SGMS2: variants seen among roughly 807,000 people sequenced by gnomAD.
The protein encoded by SGMS2 is sphingomyelin synthase 2.
SGMS2 carries 21 observed loss-of-function variants against 43.8 expected under a neutral mutation model. The ratio of observed to expected loss-of-function variants is 0.48; its 90% CI spans 0.34 to 0.69. The LOEUF (loss-of-function observed/expected upper bound fraction) is 0.69, where lower values mean the gene tolerates loss of function less well. Among genes scored for constraint, SGMS2 ranks in the 30% least tolerant of loss-of-function variants. SGMS2 has a pLI of 0.01. For synonymous variants in SGMS2, 167 were observed against 160.6 expected (o/e 1.04, Z -0.30); for missense variants, 384 against 443.2 (o/e 0.87, Z 1.20).
intron 1 of SGMS2, among the ~76,000 whole-genome samples, chr4:107,837,568 G>T (rs947785587): frequency 1.3e-5 from 2 of 152,180 alleles, no homozygotes; most frequent in East Asian, 3.9e-4. Flanking sequence ...GGCATGCTTT[G>T]TAAGGAGTAT....
chr4:107,883,112 TA>T (rs1331197433), intron 2 of SGMS2, among the ~76,000 whole-genome samples: 3 of 152,216 alleles, frequency 2.0e-5, no homozygotes, highest in Non-Finnish European at 4.4e-5. Context: ...TACGCCCTTC[TA>T]CTGGAACCCA....
chr4:107,868,240 G>A (rs9998648), intron 2 of SGMS2, among the ~76,000 whole-genome samples: 82,539 of 152,012 alleles, frequency 0.54, 23,412 homozygotes, highest in African/African-American at 0.67. Flanking sequence ...TGATTTTATC[G>A]TAGGTAAGGA....
intron 1 of SGMS2, among the ~76,000 whole-genome samples, chr4:107,836,285 A>G (rs1726167525): frequency 6.6e-6 from 1 of 152,206 alleles, no homozygotes; most frequent in Non-Finnish European, 1.5e-5. Flanking sequence ...AAATCTGAAG[A>G]CAATTCATTA....
intron 2 of SGMS2, chr4:107,873,248 A>G (rs1728674713): frequency 6.6e-6 from 1 of 152,116 alleles, no homozygotes; most frequent in African/African-American, 2.4e-5. Context: ...AGTCACAAGA[A>G]CTCTTTTGCC....
At position 107,914,607 on chromosome 4, in the gene SGMS2, C is replaced by T. The variant is rs1732338673; in HGVS notation, c.*4054C>T. 6.6e-6 allele frequency: 1 copy of T among 151,844 alleles called. No homozygotes were observed. The highest frequency in any genetic ancestry group is 6.6e-5 in the Admixed American group (1 of 15,196). The allele number at this position is 151,844 out of a possible 1,614,324, so 9.4% of individuals were successfully genotyped here. ...AAGTCTAGATTCATTATTTTCCTGA[C>T]ATATATTTTTCATTATGATATCTAC... is the stretch of plus-strand genomic sequence containing the variant. On this transcript the variant is annotated 3_prime_UTR_variant, in exon 7 of 7. Transcript: ENST00000690982.
rs1732272079 is a variant in SGMS2 at position 107,913,787 on chromosome 4, T to C, written c.*3234T>C. The C allele has an allele frequency of 6.6e-6, 1 of 152,180 alleles. No individual in the cohort carries two copies. Among genetic ancestry groups the C allele is most frequent in the South Asian group, 2.1e-4 (1 of 4,834 alleles). The allele number at this position is 152,180 out of a possible 1,614,324, so 9.4% of individuals were successfully genotyped here. The stretch of plus-strand genomic sequence containing the variant: ...TATAACGACCTATGTTTTGTTTACT[T>C]TGAAACACCAAATTTGTTGTCTTGG... On this transcript the variant is annotated 3_prime_UTR_variant, in exon 7 of 7. Transcript: ENST00000690982.
intron 2 of SGMS2, chr4:107,894,295 A>T (rs1425146050): frequency 3.9e-5 from 6 of 152,284 alleles, no homozygotes; most frequent in African/African-American, 1.4e-4. Flanking sequence ...TGAAAACCTC[A>T]TCAGGTGGCT....
intron 2 of SGMS2, among the ~76,000 whole-genome samples, chr4:107,858,924 A>C (rs555025637): frequency 8.1e-4 from 124 of 152,334 alleles, no homozygotes; most frequent in Non-Finnish European, 1.3e-3. Context: ...AAAACAGAAA[A>C]TCTTCAAAGA....
intron 1 of SGMS2, among the ~76,000 whole-genome samples, chr4:107,846,281 G>T (rs2126006691): frequency 9.7e-6 from 1 of 103,054 alleles, no homozygotes; most frequent in Admixed American, 1.5e-4. Context: ...CCCCACAATA[G>T]TACCCAGAGT....
intron 4 of SGMS2, among the ~76,000 whole-genome samples, chr4:107,900,074 TC>T (rs1730992815): frequency 6.6e-6 from 1 of 152,038 alleles, no homozygotes; most frequent in South Asian, 2.1e-4. Flanking sequence ...ATAAACAAAT[TC>T]ATAATTTGTC....
chr4:107,852,168 A>G (rs1192678545), intron 1 of SGMS2, among the ~76,000 whole-genome samples: 1 of 150,782 alleles, frequency 6.6e-6, no homozygotes, highest in Non-Finnish European at 1.5e-5. Flanking sequence ...TCCTGAGTTC[A>G]CTGCATTCTC....
intron 1 of SGMS2, among the ~76,000 whole-genome samples, chr4:107,853,797 C>G (rs1448320519): frequency 6.6e-6 from 1 of 152,038 alleles, no homozygotes; most frequent in Non-Finnish European, 1.5e-5. Context: ...AATAACTGAC[C>G]AAAGTTACAG....
At chr4:107,909,827 A>G (rs1043611279) in intron 6 of SGMS2, among the ~76,000 whole-genome samples, 2 of 151,542 alleles carry the variant, frequency 1.3e-5, no homozygotes, top group Admixed American at 1.3e-4. Context: ...TCTACGTCCA[A>G]CTCTTGGTGT....
At chr4:107,846,719 A>G (rs1287238516) in intron 1 of SGMS2, among the ~76,000 whole-genome samples, 2 of 149,918 alleles carry the variant, frequency 1.3e-5, no homozygotes, top group Non-Finnish European at 3.0e-5. Flanking sequence ...ACTAGTTTAC[A>G]GTCCCACCAA....
chr4:107,895,922 G>A lies in SGMS2; in HGVS notation c.369G>A (p.Arg123=), dbSNP rs1436077453. 6 of 1,613,798 alleles carry A rather than the reference G, an allele frequency of 3.7e-6. No individual in the cohort carries two copies. Among genetic ancestry groups the A allele is most frequent in the Middle Eastern group, 1.6e-4 (1 of 6,080 alleles). ...LPDKFFDYID[R]VKWAFSVSEI... ...ACAAGTTTTTTGATTACATTGATAG[G>A]GTGAAATGGGCATTTTCTGTATCAG... Residue 123 remains arginine (R), a synonymous_variant, in exon 3 of 7, where the codon AGG becomes AGA. Transcript: ENST00000690982.
chr4:107,892,377 C>T (rs938690721), intron 2 of SGMS2, among the ~76,000 whole-genome samples: 8 of 151,976 alleles, frequency 5.3e-5, no homozygotes, highest in African/African-American at 9.7e-5. Context: ...TAAAGATAGC[C>T]CAAGGTTGAA....
chr4:107,888,090 C>T (rs368990411), intron 2 of SGMS2, among the ~76,000 whole-genome samples: 7 of 152,108 alleles, frequency 4.6e-5, no homozygotes, highest in African/African-American at 1.2e-4. Context: ...ACCTCTTCCA[C>T]GATAGTTCCT....
At chr4:107,853,549 T>C (rs976940995) in intron 1 of SGMS2, among the ~76,000 whole-genome samples, 5 of 152,182 alleles carry the variant, frequency 3.3e-5, no homozygotes, top group African/African-American at 1.2e-4. Context: ...TTAAATGATA[T>C]TAGTGGGGCT....
chr4:107,888,917 A>G (rs1729979885), intron 2 of SGMS2, among the ~76,000 whole-genome samples: 1 of 152,148 alleles, frequency 6.6e-6, no homozygotes. Context: ...ATTTATGAAA[A>G]CTGTGATAGT....
Sources: allele counts gnomAD v4.1 joint callset (sites outside exome capture counted in the v4.1 genomes callset), GRCh38; gene constraint gnomAD v4.1.1; transcripts MANE v1.5; gene names NCBI Gene and HGNC (gene_info 2026-07-23, HGNC 2026-07-21).